Variants in CCDC30 observed in about 807,000 individuals in gnomAD.
The protein encoded by CCDC30 is coiled-coil domain-containing protein 30.
In CCDC30, 70 loss-of-function variants were observed where a neutral mutation model predicts 100.2. The observed-to-expected ratio is 0.70, with a 90% CI of 0.58 to 0.85. The LOEUF (loss-of-function observed/expected upper bound fraction) is 0.85. Among genes scored for constraint, CCDC30 ranks in the 40% least tolerant of loss-of-function variants. The pLI, the probability that CCDC30 is intolerant of heterozygous loss-of-function variation, is 0.00. For missense variants in CCDC30, 652 were observed against 771.2 expected, an observed-to-expected ratio of 0.85 and a Z score of 1.83; for synonymous variants, 233 against 269.5, an observed-to-expected ratio of 0.86 and a Z score of 1.33.
intron 3 of CCDC30, among the ~76,000 whole-genome samples, chr1:42,487,062 A>G (rs1332840474): frequency 6.7e-6 from 1 of 149,168 alleles, no homozygotes; most frequent in Non-Finnish European, 1.5e-5. Context: ...AGAATCACCT[A>G]GCCTATGAGT....
chr1:42,492,324 CTATT>C, intron 4 of CCDC30: 1 of 199,752 alleles, frequency 5.0e-6, no homozygotes. Flanking sequence ...CTTTGCCTAT[CTATT>C]TATCTTCTCC....
Position 42,514,408 on chromosome 1 carries a change from CCTT to C in CCDC30, c.456+15496_456+15498del, listed in dbSNP as rs531998422. On this transcript the variant is annotated intron_variant, in intron 6 of 16. Transcript: ENST00000668663. ...TCTCCATATCTTCTCCAACACTTAT[CCTT>C]CTTTTTTATTATAACCATCCTAGCT... Among the ~76,000 whole-genome samples, 115 of 152,256 alleles carry C rather than the reference CCTT, an allele frequency of 7.6e-4. 1 individual carries two copies. The highest frequency in any genetic ancestry group is 2.4e-3 in the African/African-American group (98 of 41,542).
chr1:42,613,641 A>G (rs1295681309), intron 11 of CCDC30, among the ~76,000 whole-genome samples: 1 of 152,094 alleles, frequency 6.6e-6, no homozygotes, highest in African/African-American at 2.4e-5. Flanking sequence ...TAATTTCCAG[A>G]TGTTGCCATG....
chr1:42,629,577 G>C (rs922510684), intron 11 of CCDC30, among the ~76,000 whole-genome samples: 1 of 151,696 alleles, frequency 6.6e-6, no homozygotes, highest in Non-Finnish European at 1.5e-5. Flanking sequence ...GGTTTGGGAA[G>C]TTATCTGCTA....
intron 9 of CCDC30, among the ~76,000 whole-genome samples, chr1:42,581,717 G>A (rs903484095): frequency 2.0e-5 from 3 of 152,210 alleles, no homozygotes; most frequent in South Asian, 2.1e-4. Context: ...TCTGGCGCTA[G>A]AGTGTGAGAT....
rs201676460 is a variant in CCDC30 at position 42,621,134 on chromosome 1, TA to T, written c.1277+10047del. 9.8e-3 allele frequency among the ~76,000 whole-genome samples: 1,497 copies of T among 152,288 alleles called. 29 individuals carry two copies. The highest frequency in any genetic ancestry group is 0.032 in the South Asian group (154 of 4,824). On this transcript the variant is annotated intron_variant, in intron 11 of 16. Coordinates refer to ENST00000668663, the Ensembl canonical transcript of CCDC30. ...TTAGCAGAAGTTACAAGTGGATTTT[TA>T]AACAAAAATTTTATTTTTAATTTTT...
At chr1:42,591,496 T>G (rs142344642) in intron 10 of CCDC30, 1 of 152,350 alleles carries the variant, frequency 6.6e-6, no homozygotes, top group East Asian at 1.9e-4. Flanking sequence ...ACTAAACCTG[T>G]GGGCACATAG....
intron 11 of CCDC30, among the ~76,000 whole-genome samples, chr1:42,618,229 C>CTTTTTTTTTTTTTTT (rs563022326): frequency 1.1e-5 from 1 of 90,464 alleles, no homozygotes; most frequent in Non-Finnish European, 2.1e-5. Context: ...CCAGTGATAT[C>CTTTTTTTTTTTTTTT]TTTTTTTTTT....
At chr1:42,537,149 A>T in intron 6 of CCDC30, 1 of 454,580 alleles carries the variant, frequency 2.2e-6, no homozygotes, top group Non-Finnish European at 4.4e-6. Context: ...CTAAGCAAAG[A>T]GTCCTTTATT....
chr1:42,482,574 A>T (rs1643979621), intron 2 of CCDC30, 89 bp from the exon 3 acceptor site: 2 of 753,320 alleles, frequency 2.7e-6, no homozygotes, highest in Non-Finnish European at 3.6e-6. Context: ...TTGCTAATTT[A>T]TTGGCTTTTA....
chr1:42,650,844 T>G (rs1431440197), intron 15 of CCDC30, among the ~76,000 whole-genome samples: 1 of 151,956 alleles, frequency 6.6e-6, no homozygotes, highest in African/African-American at 2.4e-5. Flanking sequence ...CCCAGGCTGG[T>G]CTCAAACTCC....
At chr1:42,513,371 T>A (rs533822831) in intron 6 of CCDC30, among the ~76,000 whole-genome samples, 1 of 152,298 alleles carries the variant, frequency 6.6e-6, no homozygotes, top group South Asian at 2.1e-4. Context: ...AATATTTACA[T>A]AGTGTGTGGG....
chr1:42,539,415 G>A, intron 6 of CCDC30, 105 bp downstream of exon 8: 9 of 1,026,866 alleles, frequency 8.8e-6, no homozygotes, highest in Non-Finnish European at 1.2e-5. Flanking sequence ...GGGAATTGGA[G>A]TTTCTTCTAT....
At chr1:42,517,252 T>C (rs1644568652) in intron 6 of CCDC30, among the ~76,000 whole-genome samples, 1 of 152,130 alleles carries the variant, frequency 6.6e-6, no homozygotes. Context: ...CCTAGCTAAT[T>C]AAAAAGAAAT....
chr1:42,626,367 A>T (rs1646934124), intron 11 of CCDC30, among the ~76,000 whole-genome samples: 1 of 152,146 alleles, frequency 6.6e-6, no homozygotes, highest in Non-Finnish European at 1.5e-5. Context: ...ATTATGATTG[A>T]TAAGTAAGGA....
intron 3 of CCDC30, among the ~76,000 whole-genome samples, chr1:42,487,402 C>T (rs777475878): frequency 6.6e-6 from 1 of 151,764 alleles, no homozygotes; most frequent in African/African-American, 2.4e-5. Flanking sequence ...AAGAGCCCCA[C>T]CCCCTGGTAT....
chr1:42,645,846 A>G (rs187523559), intron 14 of CCDC30, among the ~76,000 whole-genome samples: 1 of 152,346 alleles, frequency 6.6e-6, no homozygotes, highest in African/African-American at 2.4e-5. Flanking sequence ...CCTGGGAATA[A>G]AAAGATAGTC....
chr1:42,476,876 G>C (rs1181010907), intron 1 of CCDC30, among the ~76,000 whole-genome samples: 3 of 138,826 alleles, frequency 2.2e-5, no homozygotes, highest in Admixed American at 7.2e-5. Context: ...AGAGTTCGTT[G>C]ATGGAAGTTT....
At chr1:42,542,383 T>C (rs147016294) in intron 6 of CCDC30, among the ~76,000 whole-genome samples, 313 of 152,168 alleles carry the variant, frequency 2.1e-3, no homozygotes, top group African/African-American at 6.4e-3. Flanking sequence ...CCTTTTTTTT[T>C]CTGAGATGAG....
Sources: gnomAD v4.1 joint callset for allele counts (sites outside exome capture counted in the v4.1 genomes callset) on GRCh38, gnomAD v4.1.1 for gene constraint, MANE v1.5 for transcripts, NCBI Gene and HGNC (gene_info 2026-07-23, HGNC 2026-07-21) for gene names.